The following NPAS3 variants were observed in gnomAD, a reference collection of about 807,000 sequenced individuals.
The protein encoded by NPAS3 is neuronal PAS domain protein 3, also known as neuronal PAS domain-containing protein 3.
NPAS3 carries 14 observed loss-of-function variants against 73.1 expected under a neutral mutation model. The observed-to-expected ratio is 0.19, with a 90% CI of 0.13 to 0.30. The LOEUF is 0.30. NPAS3 is among the 10% of genes least tolerant of loss of function. The pLI is 1.00. For synonymous variants in NPAS3, 620 were observed against 541.5 expected (o/e 1.14, Z -2.01); for missense variants, 1,096 against 1,250.0 (o/e 0.88, Z 1.86).
intron 2 of NPAS3, among the ~76,000 whole-genome samples, chr14:33,088,825 A>G (rs2042122333): frequency 6.6e-6 from 1 of 152,196 alleles, no homozygotes; most frequent in African/African-American, 2.4e-5. Flanking sequence ...TCTGAGACGA[A>G]GCTTCCAGAG....
At chr14:33,505,180 C>T (rs1305478877) in intron 4 of NPAS3, among the ~76,000 whole-genome samples, 1 of 151,960 alleles carries the variant, frequency 6.6e-6, no homozygotes, top group Non-Finnish European at 1.5e-5. Flanking sequence ...ACATATCAGC[C>T]AGCAAAATAT....
At chr14:32,961,822 C>T (rs1483578551) in intron 1 of NPAS3, among the ~76,000 whole-genome samples, 1 of 152,136 alleles carries the variant, frequency 6.6e-6, no homozygotes, top group African/African-American at 2.4e-5. Flanking sequence ...CAGTCACCAT[C>T]TCATTTAGAT....
At chr14:33,552,114 T>C (rs2055144736) in intron 4 of NPAS3, among the ~76,000 whole-genome samples, 1 of 152,214 alleles carries the variant, frequency 6.6e-6, no homozygotes, top group Non-Finnish European at 1.5e-5. Flanking sequence ...CTGGGCTTGA[T>C]GTATAATAAG....
intron 3 of NPAS3, among the ~76,000 whole-genome samples, chr14:33,310,231 G>T (rs2042944348): frequency 6.6e-6 from 1 of 152,066 alleles, no homozygotes; most frequent in Admixed American, 6.6e-5. Flanking sequence ...TTTATAGCCT[G>T]TGGATTTCTA....
chr14:33,468,987 A>G (rs951324425), intron 4 of NPAS3, among the ~76,000 whole-genome samples: 3 of 152,232 alleles, frequency 2.0e-5, no homozygotes, highest in African/African-American at 4.8e-5. Flanking sequence ...ATCAAGCAAC[A>G]AAACTCGGTA....
intron 6 of NPAS3, among the ~76,000 whole-genome samples, chr14:33,678,940 A>G (rs1035545398): frequency 1.3e-5 from 2 of 152,198 alleles, no homozygotes; most frequent in Admixed American, 6.5e-5. Flanking sequence ...GTTCTTACAG[A>G]TTATTACTTC....
rs563163870 is a variant in NPAS3 at position 33,022,392 on chromosome 14, C to T, written c.51-33513C>T. Among the ~76,000 whole-genome samples the T allele has an allele frequency of 5.3e-5, 8 of 152,176 alleles. No individual in the cohort carries two copies. In the South Asian group the frequency reaches 6.2e-4, roughly 12 times the overall value. ...AAAAAATATTACTTTTGGCTGGGCG[C>T]GGTGGCTCACGCCTGTAATCCCAGC... On this transcript the variant is annotated intron_variant, in intron 1 of 11. Coordinates refer to ENST00000356141, the Ensembl canonical transcript of NPAS3.
At chr14:33,778,091 A>C in intron 8 of NPAS3, among the ~76,000 whole-genome samples, 1 of 152,204 alleles carries the variant, frequency 6.6e-6, no homozygotes, top group Admixed American at 6.5e-5. Flanking sequence ...TTTGGTATAA[A>C]CATAACATGT....
At chr14:33,546,036 G>T (rs1481340179) in intron 4 of NPAS3, among the ~76,000 whole-genome samples, 1 of 152,128 alleles carries the variant, frequency 6.6e-6, no homozygotes, top group Non-Finnish European at 1.5e-5. Context: ...TCTTCTGGGG[G>T]CTCCTGTTAA....
chr14:32,943,419 C>A (rs1169251450), intron 1 of NPAS3, among the ~76,000 whole-genome samples: 2 of 152,126 alleles, frequency 1.3e-5, no homozygotes, highest in Admixed American at 6.5e-5. Flanking sequence ...ATGGCTGGCC[C>A]TATACTATAA....
In NPAS3 at chr14:33,605,409, A is replaced by AAAC. The variant is rs1555421155; in HGVS notation, c.558+45200_558+45201insACA. Among the ~76,000 whole-genome samples, 8 of 145,622 alleles carry AAAC rather than the reference A, an allele frequency of 5.5e-5. No homozygotes were observed. The East Asian group carries it at 1.6e-3, about 29-fold the overall frequency. ...CATTCAAATTAAAAAAAAAAAAAAAAACACAAACCTTTTATTTACTTAAAA... is the reference window on the plus strand; with the variant it reads ...CATTCAAATTAAAAAAAAAAAAAAAAAACACACAAACCTTTTATTTACTTAAAA... On this transcript the variant is annotated intron_variant, in intron 5 of 11. Transcript: ENST00000356141.
intron 4 of NPAS3, among the ~76,000 whole-genome samples, chr14:33,504,507 T>A (rs145589175): frequency 6.6e-5 from 10 of 152,142 alleles, no homozygotes; most frequent in African/African-American, 2.4e-4. Context: ...TCTCTAACAG[T>A]CCCTTTGTAG....
At chr14:33,493,775 G>A (rs1310977031) in intron 4 of NPAS3, among the ~76,000 whole-genome samples, 4 of 152,124 alleles carry the variant, frequency 2.6e-5, no homozygotes, top group South Asian at 4.1e-4. Flanking sequence ...AGCCTGAAGC[G>A]AATTTAAATG....
intron 2 of NPAS3, among the ~76,000 whole-genome samples, chr14:33,158,231 C>G (rs1189873586): frequency 2.0e-5 from 3 of 152,142 alleles, no homozygotes; most frequent in African/African-American, 4.8e-5. Context: ...TACTTGGAAA[C>G]ATGTTAGAAA....
At chr14:33,048,470 T>C (rs2040588398) in intron 1 of NPAS3, among the ~76,000 whole-genome samples, 1 of 152,216 alleles carries the variant, frequency 6.6e-6, no homozygotes, top group South Asian at 2.1e-4. Flanking sequence ...TGTAGCTTTT[T>C]CCCCAGGCAT....
At chr14:33,730,277 G>A (rs2140612824) in intron 6 of NPAS3, among the ~76,000 whole-genome samples, 1 of 152,248 alleles carries the variant, frequency 6.6e-6, no homozygotes, top group African/African-American at 2.4e-5. Context: ...GACCTTTGGA[G>A]TCCGACAAAC....
intron 7 of NPAS3, 85 bp downstream of exon 7, chr14:33,735,417 C>CATAT: frequency 1.1e-6 from 1 of 922,942 alleles, no homozygotes. Context: ...GCTTTAGGTC[C>CATAT]ATATAATGAA....
chr14:33,474,479 A>C (rs1003686240), intron 4 of NPAS3, among the ~76,000 whole-genome samples: 1 of 152,212 alleles, frequency 6.6e-6, no homozygotes, highest in Non-Finnish European at 1.5e-5. Flanking sequence ...AAAAATGTCA[A>C]AAGTCTTTTG....
At chr14:33,742,899 C>A (rs2061690012) in intron 7 of NPAS3, among the ~76,000 whole-genome samples, 1 of 152,152 alleles carries the variant, frequency 6.6e-6, no homozygotes, top group African/African-American at 2.4e-5. Context: ...TTTGTTCATC[C>A]ATAAGAAGCA....
Sources: allele counts gnomAD v4.1 joint callset (sites outside exome capture counted in the v4.1 genomes callset), GRCh38; gene constraint gnomAD v4.1.1; transcripts MANE v1.5; gene names NCBI Gene and HGNC (gene_info 2026-07-23, HGNC 2026-07-21).